The following FBXW11 variants were observed in gnomAD, a reference collection of about 807,000 sequenced individuals.
The protein encoded by FBXW11 is F-box and WD repeat domain containing 11.
In FBXW11, 19 loss-of-function variants were observed where a neutral mutation model predicts 77.6. The ratio of observed to expected loss-of-function variants is 0.24; its 90% CI spans 0.17 to 0.36. The LOEUF is 0.36. Ranked by LOEUF, FBXW11 falls within the 10% of genes least tolerant of loss-of-function variation. FBXW11 has a pLI of 1.00. For synonymous variants in FBXW11, 235 were observed against 249.4 expected, an observed-to-expected ratio of 0.94 and a Z score of 0.54; for missense variants, 334 against 704.2, an observed-to-expected ratio of 0.47 and a Z score of 5.95.
chr5:172,002,368 C>G (rs1019878979), intron 1 of FBXW11, among the ~76,000 whole-genome samples: 2 of 151,490 alleles, frequency 1.3e-5, no homozygotes, highest in Non-Finnish European at 2.9e-5. Context: ...ATATTTGAGC[C>G]AATGCCTCTT....
In FBXW11 at chr5:171,975,976, G is replaced by C. The variant is rs375172397; in HGVS notation, c.46-18278C>G. On this transcript the variant is annotated intron_variant, in intron 1 of 13. Coordinates refer to ENST00000517395, the MANE Select transcript of FBXW11 (RefSeq NM_001378974.1). ...ATGATTATCAGGTGAGTTTCCAAAA[G>C]GAGACTATATACAGCATTTACTAAC... Among the ~76,000 whole-genome samples, 18 of 152,122 alleles carry C rather than the reference G, an allele frequency of 1.2e-4. No individual in the cohort carries two copies. The East Asian group carries it at 1.5e-3, about 13-fold the overall frequency.
rs187832424 is a variant in FBXW11 at position 171,917,107 on chromosome 5, G to C, written c.148-2702C>G. Among the ~76,000 whole-genome samples, 33 of 152,220 alleles carry C rather than the reference G, an allele frequency of 2.2e-4. No individual in the cohort carries two copies. In the East Asian group the frequency reaches 2.9e-3, roughly 13 times the overall value. On this transcript the variant is annotated intron_variant, in intron 2 of 13. Transcript: ENST00000517395. ...AGCTAATTTTTGTATTTTTAGTAGA[G>C]ACAGGGTTTCACCATGTTGGCCAGG... is the stretch of plus-strand genomic sequence containing the variant.
intron 2 of FBXW11, among the ~76,000 whole-genome samples, chr5:171,926,339 A>G (rs1284583219): frequency 1.3e-5 from 2 of 152,186 alleles, no homozygotes; most frequent in Non-Finnish European, 2.9e-5. Flanking sequence ...TAAGTGAGAA[A>G]ATTTTAAGAG....
At chr5:171,994,704 T>TACCACCACCACCACC (rs368238674) in intron 1 of FBXW11, among the ~76,000 whole-genome samples, 1 of 151,878 alleles carries the variant, frequency 6.6e-6, no homozygotes, top group African/African-American at 2.4e-5. Flanking sequence ...GTACCATTAC[T>TACCACCACCACCACC]ACCACCACCA....
rs186936469 is a variant in FBXW11, at chr5:171,871,759, G to A, written c.1341-901C>T. Among the ~76,000 whole-genome samples, 61 of 152,282 alleles carry A rather than the reference G, an allele frequency of 4.0e-4. 1 individual carries two copies. The East Asian group carries it at 0.01, about 26-fold the overall frequency. The stretch of plus-strand genomic sequence containing the variant: ...AATTCCTATGATACATCCAAAGAAT[G>A]TATTTTATTACAGCTGCCCTTAGCA... On this transcript the variant is annotated intron_variant, in intron 10 of 13. Coordinates refer to ENST00000517395, the MANE Select transcript of FBXW11 (RefSeq NM_001378974.1).
intron 7 of FBXW11, among the ~76,000 whole-genome samples, chr5:171,886,615 T>C (rs187197868): frequency 2.7e-4 from 41 of 151,868 alleles, no homozygotes; most frequent in Non-Finnish European, 5.3e-4. Flanking sequence ...AAACGATATA[T>C]TGATAGAAAA....
chr5:171,921,824 G>A (rs1045880887), intron 2 of FBXW11, among the ~76,000 whole-genome samples: 5 of 152,042 alleles, frequency 3.3e-5, no homozygotes, highest in African/African-American at 9.7e-5. Context: ...CTACAACCTC[G>A]AACTCCTGGG....
intron 6 of FBXW11, among the ~76,000 whole-genome samples, chr5:171,892,525 A>G (rs1759423909): frequency 6.6e-6 from 1 of 152,204 alleles, no homozygotes. Flanking sequence ...GCGGCAGTGC[A>G]CACAGAACGT....
At chr5:171,866,120 C>T (rs1757374938) in intron 13 of FBXW11, among the ~76,000 whole-genome samples, 2 of 152,062 alleles carry the variant, frequency 1.3e-5, no homozygotes, top group Admixed American at 1.3e-4. Context: ...CAAAAATCAG[C>T]TGGGTGTGAT....
Position 171,934,386 on chromosome 5 carries a change from T to C in FBXW11, c.148-19981A>G, listed in dbSNP as rs193092201. Among the ~76,000 whole-genome samples, 345 of 152,014 alleles carry C rather than the reference T, an allele frequency of 2.3e-3. 2 individuals carry two copies. The highest frequency in any genetic ancestry group is 3.7e-3 in the Non-Finnish European group (253 of 67,972). On this transcript the variant is annotated intron_variant, in intron 2 of 13. Transcript: ENST00000517395. ...TAAAGCAAATGAAAATTTTAAAAATTTGAAAAGTAGGTTGGGCACATTGCC... is the reference window on the plus strand; with the variant it reads ...TAAAGCAAATGAAAATTTTAAAAATCTGAAAAGTAGGTTGGGCACATTGCC...
chr5:171,990,578 C>T (rs1561754795), intron 1 of FBXW11, among the ~76,000 whole-genome samples: 1 of 152,170 alleles, frequency 6.6e-6, no homozygotes, highest in Non-Finnish European at 1.5e-5. Flanking sequence ...TCTACACATG[C>T]ATCAGTCCAA....
intron 2 of FBXW11, among the ~76,000 whole-genome samples, chr5:171,917,588 T>C (rs952026026): frequency 6.6e-6 from 1 of 152,212 alleles, no homozygotes; most frequent in South Asian, 2.1e-4. Flanking sequence ...TTTCCACTTC[T>C]TTTATAAAGG....
chr5:171,922,849 A>T (rs1251952387), intron 2 of FBXW11, among the ~76,000 whole-genome samples: 1 of 152,206 alleles, frequency 6.6e-6, no homozygotes, highest in Non-Finnish European at 1.5e-5. Context: ...AAATACCTTA[A>T]AGAATGAATG....
intron 2 of FBXW11, among the ~76,000 whole-genome samples, chr5:171,921,269 G>C (rs1345150001): frequency 6.6e-6 from 1 of 152,132 alleles, no homozygotes; most frequent in Non-Finnish European, 1.5e-5. Context: ...GTTTAACATA[G>C]GAGCCACGAA....
intron 2 of FBXW11, among the ~76,000 whole-genome samples, chr5:171,933,437 T>C (rs1196185948): frequency 6.6e-6 from 1 of 152,206 alleles, no homozygotes; most frequent in Non-Finnish European, 1.5e-5. Context: ...CATGTTATTA[T>C]ATCTGTCCAA....
chr5:171,987,433 A>C (rs569863946), intron 1 of FBXW11, among the ~76,000 whole-genome samples: 1 of 151,980 alleles, frequency 6.6e-6, no homozygotes, highest in East Asian at 1.9e-4. Flanking sequence ...TCAAAGGGTA[A>C]GTTTTTTTGG....
At chr5:171,896,368 T>G (rs1759746113) in intron 6 of FBXW11, among the ~76,000 whole-genome samples, 1 of 152,142 alleles carries the variant, frequency 6.6e-6, no homozygotes, top group Admixed American at 6.6e-5. Context: ...CAAGTGTCAT[T>G]TATCTTTCTG....
intron 1 of FBXW11, among the ~76,000 whole-genome samples, chr5:171,979,471 T>C (rs1288187025): frequency 2.0e-5 from 3 of 152,204 alleles, no homozygotes; most frequent in Admixed American, 1.3e-4. Flanking sequence ...ATTACATTTT[T>C]CCATCTTATT....
At chr5:171,903,639 T>C (rs1222752992) in intron 4 of FBXW11, among the ~76,000 whole-genome samples, 1 of 152,170 alleles carries the variant, frequency 6.6e-6, no homozygotes, top group Non-Finnish European at 1.5e-5. Flanking sequence ...TTCTGATTTC[T>C]ACACTTAATA....
Sources: allele counts gnomAD v4.1 joint callset (sites outside exome capture counted in the v4.1 genomes callset), GRCh38; gene constraint gnomAD v4.1.1; transcripts MANE v1.5; gene names NCBI Gene and HGNC (gene_info 2026-07-23, HGNC 2026-07-21).